PPARGC1A: variants seen among roughly 807,000 people sequenced by gnomAD.
PPARGC1A encodes peroxisome proliferator-activated receptor gamma coactivator 1-alpha.
Under a neutral mutation model 88.7 loss-of-function variants are expected in PPARGC1A, and 25 were observed. The ratio of observed to expected loss-of-function variants is 0.28; its 90% CI spans 0.21 to 0.39. The LOEUF (loss-of-function observed/expected upper bound fraction) is 0.39. Ranked by LOEUF, PPARGC1A falls within the 10% of genes least tolerant of loss-of-function variation. The pLI is 1.00. For synonymous variants in PPARGC1A, 363 were observed against 355.6 expected, an observed-to-expected ratio of 1.02 and a Z score of -0.24; for missense variants, 880 against 968.7, an observed-to-expected ratio of 0.91 and a Z score of 1.22.
chr4:24,443,203 C>T, the PPARGC1A span, among the ~76,000 whole-genome samples: 2 of 151,518 alleles, frequency 1.3e-5, no homozygotes, highest in African/African-American at 2.4e-5. Flanking sequence ...ACATTCCTTA[C>T]CTCTCTTCCT....
the PPARGC1A span, among the ~76,000 whole-genome samples, chr4:24,036,723 G>C: frequency 0.11 from 16,698 of 152,188 alleles, 1,083 homozygotes; most frequent in South Asian, 0.19. Context: ...GGGGGTGATT[G>C]CCACTTGGGT....
At chr4:24,256,043 T>C in the PPARGC1A span, among the ~76,000 whole-genome samples, 1 of 152,242 alleles carries the variant, frequency 6.6e-6, no homozygotes, top group Non-Finnish European at 1.5e-5. Flanking sequence ...GATCTCACCA[T>C]CTTCCTGTGA....
intron 2 of PPARGC1A, chr4:23,877,670 T>C (rs922401126): frequency 2.6e-5 from 4 of 152,112 alleles, no homozygotes; most frequent in African/African-American, 9.7e-5. Context: ...ATAAAATTTT[T>C]CATTACTCAA....
At chr4:24,465,571 G>A in the PPARGC1A span, among the ~76,000 whole-genome samples, 58 of 152,276 alleles carry the variant, frequency 3.8e-4, no homozygotes, top group Non-Finnish European at 6.3e-4. Context: ...ACAAGGGGTA[G>A]GTGACCCCAT....
the PPARGC1A span, among the ~76,000 whole-genome samples, chr4:24,279,399 T>A: frequency 6.6e-6 from 1 of 152,048 alleles, no homozygotes. Context: ...TTGGGTCACA[T>A]GTAGGGAAGG....
At chr4:23,874,087 T>C (rs2148787146) in intron 2 of PPARGC1A, among the ~76,000 whole-genome samples, 1 of 152,344 alleles carries the variant, frequency 6.6e-6, no homozygotes, top group East Asian at 1.9e-4. Context: ...GGAAAAAATG[T>C]TAGTTCAACA....
chr4:24,382,846 A>G, the PPARGC1A span, among the ~76,000 whole-genome samples: 1 of 152,222 alleles, frequency 6.6e-6, no homozygotes, highest in Non-Finnish European at 1.5e-5. Flanking sequence ...GCTGGCTCTG[A>G]AGAGAGCAGC....
At chr4:24,424,258 C>CTTTTTTTTTTTTTTTT in the PPARGC1A span, among the ~76,000 whole-genome samples, 11 of 44,346 alleles carry the variant, frequency 2.5e-4, 4 homozygotes, top group East Asian at 1.9e-3. Context: ...TATACACACA[C>CTTTTTTTTTTTTTTTT]TTTTTTTTTT....
At chr4:24,334,679 T>A in the PPARGC1A span, among the ~76,000 whole-genome samples, 1 of 152,328 alleles carries the variant, frequency 6.6e-6, no homozygotes, top group South Asian at 2.1e-4. Flanking sequence ...AGAACTTCCC[T>A]TATGTGCTAT....
At chr4:24,401,945 G>A in the PPARGC1A span, among the ~76,000 whole-genome samples, 2 of 152,314 alleles carry the variant, frequency 1.3e-5, no homozygotes, top group South Asian at 2.1e-4. Context: ...AAAAAGCAGT[G>A]CTGGGACTCA....
chr4:24,311,789 A>C, the PPARGC1A span, among the ~76,000 whole-genome samples: 1 of 151,848 alleles, frequency 6.6e-6, no homozygotes, highest in African/African-American at 2.4e-5. Flanking sequence ...AATTTAACAG[A>C]GTCTCGGTGC....
At chr4:24,357,596 C>T in the PPARGC1A span, among the ~76,000 whole-genome samples, 1 of 152,186 alleles carries the variant, frequency 6.6e-6, no homozygotes, top group Non-Finnish European at 1.5e-5. Flanking sequence ...GGCCATCATG[C>T]CTGTTCGATA....
At chr4:24,139,787 G>A in the PPARGC1A span, among the ~76,000 whole-genome samples, 1 of 152,088 alleles carries the variant, frequency 6.6e-6, no homozygotes, top group Non-Finnish European at 1.5e-5. Flanking sequence ...CACGCTCAGT[G>A]ACTCACAAGG....
At chr4:24,045,423 C>T in the PPARGC1A span, among the ~76,000 whole-genome samples, 15 of 152,040 alleles carry the variant, frequency 9.9e-5, no homozygotes, top group Admixed American at 9.8e-4. Flanking sequence ...TGGCTTAAAG[C>T]AACATTTATT....
chr4:24,365,718 T>C, the PPARGC1A span, among the ~76,000 whole-genome samples: 1 of 152,218 alleles, frequency 6.6e-6, no homozygotes, highest in East Asian at 1.9e-4. Context: ...ACATATTTTC[T>C]ATTTTTTCAT....
At chr4:23,996,317 C>A in the PPARGC1A span, among the ~76,000 whole-genome samples, 1 of 152,184 alleles carries the variant, frequency 6.6e-6, no homozygotes, top group African/African-American at 2.4e-5. Context: ...AGGTATGATG[C>A]TGGGGAAAAT....
At chr4:24,095,515 G>T in the PPARGC1A span, among the ~76,000 whole-genome samples, 1 of 152,054 alleles carries the variant, frequency 6.6e-6, no homozygotes, top group African/African-American at 2.4e-5. Context: ...ATAAAAAGGG[G>T]AAAATTGGGT....
the PPARGC1A span, among the ~76,000 whole-genome samples, chr4:23,995,489 A>T: frequency 1.3e-5 from 2 of 152,154 alleles, no homozygotes; most frequent in African/African-American, 4.8e-5. Context: ...GGGAGATAGA[A>T]TTCAAATTCC....
the PPARGC1A span, among the ~76,000 whole-genome samples, chr4:23,909,406 T>A: frequency 6.6e-6 from 1 of 152,134 alleles, no homozygotes; most frequent in South Asian, 2.1e-4. Context: ...TGGCGAAACC[T>A]GCGTGGATGC....
Sources: allele counts gnomAD v4.1 joint callset (sites outside exome capture counted in the v4.1 genomes callset), GRCh38; gene constraint gnomAD v4.1.1; transcripts MANE v1.5; gene names NCBI Gene and HGNC (gene_info 2026-07-23, HGNC 2026-07-21).